The following MALRD1 variants were observed in gnomAD, a reference collection of about 807,000 sequenced individuals.
The protein encoded by MALRD1 is MAM and LDL receptor class A domain containing 1.
A neutral mutation model predicts 242.1 loss-of-function variants in MALRD1; 247 were observed. The ratio of observed to expected loss-of-function variants is 1.02; its 90% CI spans 0.92 to 1.13. The LOEUF (loss-of-function observed/expected upper bound fraction) is 1.13. MALRD1 is among the 50% of genes most tolerant of loss of function. The probability of loss-of-function intolerance (pLI) is 0.00; values close to 1 mark genes in which losing one functional copy is unlikely to be tolerated. For missense variants in MALRD1, 2,989 were observed against 2,533.1 expected (o/e 1.18, Z -3.86); for synonymous variants, 995 against 866.6 (o/e 1.15, Z -2.60).
intron 36 of MALRD1, among the ~76,000 whole-genome samples, chr10:19,684,301 T>C (rs1407166735): frequency 1.3e-5 from 2 of 152,192 alleles, no homozygotes; most frequent in Non-Finnish European, 1.5e-5. Flanking sequence ...TATCATATTA[T>C]TAAAAAATCG....
chr10:19,105,410 G>A (rs1280066510), intron 5 of MALRD1, among the ~76,000 whole-genome samples: 1 of 151,666 alleles, frequency 6.6e-6, no homozygotes, highest in African/African-American at 2.4e-5. Flanking sequence ...TTATCCATTT[G>A]TCCATTGATG....
intron 18 of MALRD1, among the ~76,000 whole-genome samples, chr10:19,252,613 T>G (rs1839343001): frequency 6.6e-6 from 1 of 152,076 alleles, no homozygotes; most frequent in Non-Finnish European, 1.5e-5. Context: ...TCTTGACTAC[T>G]TATATATCCC....
chr10:19,064,746 G>A (rs374408420), intron 1 of MALRD1, among the ~76,000 whole-genome samples: 7 of 148,394 alleles, frequency 4.7e-5, no homozygotes, highest in African/African-American at 1.5e-4. Context: ...CTTCAGCCTG[G>A]GCGACAGAAA....
chr10:19,669,763 A>G (rs1841829737), intron 36 of MALRD1, among the ~76,000 whole-genome samples: 1 of 152,226 alleles, frequency 6.6e-6, no homozygotes, highest in South Asian at 2.1e-4. Context: ...TTTATGTAGT[A>G]ATAATGTTAT....
In MALRD1 at chr10:19,496,231, C is replaced by T. The variant is rs559529993; in HGVS notation, c.5159-2254C>T. 7.9e-5 allele frequency among the ~76,000 whole-genome samples: 12 copies of T among 152,264 alleles called. No homozygotes were observed. The South Asian group carries it at 2.5e-3, about 32-fold the overall frequency. ...CTTGACCAATGGACCTAATAGACAT[C>T]TGCAGAACACCCTACCCCCAAACCA... On this transcript the variant is annotated intron_variant, in intron 30 of 39. Transcript: ENST00000454679.
At chr10:19,200,749 C>A (rs1474512185) in intron 14 of MALRD1, among the ~76,000 whole-genome samples, 1 of 149,014 alleles carries the variant, frequency 6.7e-6, no homozygotes, top group Non-Finnish European at 1.5e-5. Context: ...GTGAGCCAAC[C>A]CAGCAAGTAT....
At chr10:19,591,012 A>C (rs764115653) in intron 33 of MALRD1, among the ~76,000 whole-genome samples, 1 of 152,180 alleles carries the variant, frequency 6.6e-6, no homozygotes, top group Non-Finnish European at 1.5e-5. Context: ...ACATACAGTT[A>C]GTTTCACCGC....
Position 19,347,868 on chromosome 10 carries a change from C to A in MALRD1, c.3999C>A (p.Ile1333=). Reference sequence around the variant, plus strand: ...ACTGGAACCTGAAAGCTAGCAGCATCCCTGCAGCAGGCACAGAGCCAGCAG... The same window carrying A: ...ACTGGAACCTGAAAGCTAGCAGCATACCTGCAGCAGGCACAGAGCCAGCAG... ...DFDWNLKASS[I]PAAGTEPAAD... The change falls in exon 25 of 40, where the codon ATC becomes ATA. Residue 1333 remains isoleucine (I), a synonymous_variant. Transcript: ENST00000454679. The A allele has an allele frequency of 6.4e-7, 1 of 1,550,398 alleles. No homozygotes were observed. The highest frequency in any genetic ancestry group is 8.7e-7 in the Non-Finnish European group (1 of 1,146,844).
rs1438792441 is a variant in MALRD1 at position 19,128,045 on chromosome 10, A to G, written c.944-176A>G. 2.6e-5 allele frequency among the ~76,000 whole-genome samples: 4 copies of G among 152,310 alleles called. No individual in the cohort carries two copies. The East Asian group carries it at 7.7e-4, about 29-fold the overall frequency. ...CTCTACATATTGGAAATAATATATA[A>G]AAATGAAAACCTGTTATTTGTAGTT... On this transcript the variant is annotated intron_variant, in intron 7 of 39. Transcript: ENST00000454679.
chr10:19,098,103 C>T (rs902323858), intron 4 of MALRD1, among the ~76,000 whole-genome samples: 2 of 152,228 alleles, frequency 1.3e-5, no homozygotes, highest in Admixed American at 6.5e-5. Context: ...GGGTCTGGAT[C>T]GGGACTTCTT....
chr10:19,305,452 C>T (rs2484096), intron 21 of MALRD1, among the ~76,000 whole-genome samples: 41,456 of 150,976 alleles, frequency 0.27, 5,815 homozygotes, highest in South Asian at 0.46. Flanking sequence ...TGCTCTAATA[C>T]GAGGCACTGG....
chr10:19,714,287 T>C (rs1318405746), intron 38 of MALRD1, among the ~76,000 whole-genome samples: 1 of 152,076 alleles, frequency 6.6e-6, no homozygotes, highest in Non-Finnish European at 1.5e-5. Flanking sequence ...ATTGGGAAAG[T>C]GGTTTTCCTC....
intron 21 of MALRD1, among the ~76,000 whole-genome samples, chr10:19,290,958 T>G (rs1841390929): frequency 6.6e-6 from 1 of 152,168 alleles, no homozygotes; most frequent in Non-Finnish European, 1.5e-5. Flanking sequence ...AGGCAGTGTT[T>G]CTATAGTATG....
At chr10:19,613,458 C>T (rs755810692) in intron 35 of MALRD1, among the ~76,000 whole-genome samples, 7 of 152,100 alleles carry the variant, frequency 4.6e-5, no homozygotes, top group East Asian at 1.9e-4. Context: ...CCATTATCCT[C>T]GACTCTTGCA....
chr10:19,421,298 G>A (rs1020734446), intron 28 of MALRD1, among the ~76,000 whole-genome samples: 1 of 152,302 alleles, frequency 6.6e-6, no homozygotes, highest in African/African-American at 2.4e-5. Context: ...AGTGACACCA[G>A]GATTTGAACC....
chr10:19,287,984 A>G (rs1841215419), intron 21 of MALRD1, among the ~76,000 whole-genome samples: 1 of 152,150 alleles, frequency 6.6e-6, no homozygotes, highest in Admixed American at 6.5e-5. Context: ...AGATGAATTT[A>G]TGAATTTAAA....
intron 2 of MALRD1, among the ~76,000 whole-genome samples, chr10:19,082,172 A>G (rs1176397866): frequency 6.6e-6 from 1 of 151,390 alleles, no homozygotes; most frequent in Non-Finnish European, 1.5e-5. Flanking sequence ...TTTTTTTACT[A>G]TATATTTTTG....
intron 23 of MALRD1, among the ~76,000 whole-genome samples, chr10:19,330,707 T>C (rs1843324237): frequency 6.6e-6 from 1 of 152,196 alleles, no homozygotes; most frequent in African/African-American, 2.4e-5. Context: ...CATTAATGAT[T>C]CCTGTTACTA....
chr10:19,610,175 G>A (rs1021610820), intron 35 of MALRD1, among the ~76,000 whole-genome samples: 2 of 151,646 alleles, frequency 1.3e-5, no homozygotes, highest in Non-Finnish European at 2.9e-5. Flanking sequence ...ATCAAATCAG[G>A]GTAGTTAGCT....
Sources: allele counts gnomAD v4.1 joint callset (sites outside exome capture counted in the v4.1 genomes callset), GRCh38; gene constraint gnomAD v4.1.1; transcripts MANE v1.5; gene names NCBI Gene and HGNC (gene_info 2026-07-23, HGNC 2026-07-21).